Variants in UGT2B28 observed in about 807,000 individuals in gnomAD.
The protein encoded by UGT2B28 is UDP-glucuronosyltransferase 2B28.
Under a neutral mutation model 43.6 loss-of-function variants are expected in UGT2B28, and 45 were observed. That is an observed-to-expected ratio of 1.03 (90% CI 0.81 to 1.32). The LOEUF is 1.32. Ranked by LOEUF, UGT2B28 falls within the 40% of genes most tolerant of loss-of-function variation. UGT2B28 has a pLI of 0.00. For missense variants in UGT2B28, 649 were observed against 625.5 expected (o/e 1.04, Z -0.40); for synonymous variants, 204 against 208.1 (o/e 0.98, Z 0.17).
In UGT2B28 at chr4:69,282,484, T is replaced by C. The variant is rs370145772; in HGVS notation, c.722-30T>C. On this transcript the variant is annotated intron_variant, in intron 1 of 5. Transcript: ENST00000335568. ...TATGTAAAGTAATTATCTTACATCA[T>C]CCACTTTTTCTTTTCTTTATTCCTG... 422 of 1,530,338 alleles carry C rather than the reference T, an allele frequency of 2.8e-4. 57 individuals carry two copies. The highest frequency in any genetic ancestry group is 1.9e-3 in the South Asian group (147 of 77,964). 94.8% of individuals were successfully genotyped at this position (1,530,338 alleles called of 1,614,324 possible).
intron 1 of UGT2B28, among the ~76,000 whole-genome samples, chr4:69,281,854 T>A (rs1257116918): frequency 7.1e-6 from 1 of 141,010 alleles, no homozygotes; most frequent in African/African-American, 2.8e-5. Flanking sequence ...CTATATAGTT[T>A]ATTTGAAACT....
In UGT2B28 at chr4:69,294,375, A is replaced by C. The variant is rs559633629; in HGVS notation, c.1311-155A>C. Among the ~76,000 whole-genome samples, 13 of 140,896 alleles carry C rather than the reference A, an allele frequency of 9.2e-5. 3 individuals carry two copies. The highest frequency in any genetic ancestry group is 8.5e-4 in the Admixed American group (12 of 14,084). The allele number at this position is 140,896 out of a possible 152,430, so 92.4% of individuals were successfully genotyped here. ...AAAAGTCCAATTTAAAAGCCCAACT[A>C]TCTATGATGACTCAAATTAAAATAC... On this transcript the variant is annotated intron_variant, in intron 5 of 5. Transcript: ENST00000335568.
chr4:69,289,094 G>A (rs1158249180), intron 3 of UGT2B28, among the ~76,000 whole-genome samples: 8 of 138,792 alleles, frequency 5.8e-5, no homozygotes, highest in Admixed American at 2.9e-4. Context: ...ATAGTCCTTT[G>A]CTTATATACC....
At position 69,285,362 on chromosome 4, in the gene UGT2B28, C is replaced by G. The variant is rs960568489; in HGVS notation, c.871-1390C>G. On this transcript the variant is annotated intron_variant, in intron 2 of 5. Coordinates refer to ENST00000335568, the MANE Select transcript of UGT2B28 (RefSeq NM_053039.2). ...TTGTATTATTTTTATAATATTATCACTAAAGGAGCAACAACCCGTCAATAT... is the reference window on the plus strand; with the variant it reads ...TTGTATTATTTTTATAATATTATCAGTAAAGGAGCAACAACCCGTCAATAT... Among the ~76,000 whole-genome samples the G allele has an allele frequency of 1.1e-4, 15 of 139,794 alleles. 3 individuals are homozygous for G. The highest frequency in any genetic ancestry group is 8.6e-4 in the Admixed American group (12 of 13,894). The allele number at this position is 139,794 out of a possible 152,430, so 91.7% of individuals were successfully genotyped here.
Position 69,293,512 on chromosome 4 carries a change from T to C in UGT2B28, c.1311-1018T>C, listed in dbSNP as rs549704432. ...AATAAGCACAGAAAATAGAGAAAAT[T>C]CTAGAGGCTCCATCACAGTTTGGCC... On this transcript the variant is annotated intron_variant, in intron 5 of 5. Coordinates refer to ENST00000335568, the MANE Select transcript of UGT2B28 (RefSeq NM_053039.2). 2.1e-5 allele frequency among the ~76,000 whole-genome samples: 3 copies of C among 140,050 alleles called. 1 individual carries two copies. The highest frequency in any genetic ancestry group is 2.0e-4 in the East Asian group (1 of 4,908). The allele number at this position is 140,050 out of a possible 152,430, so 91.9% of individuals were successfully genotyped here.
At chr4:69,292,449 C>G (rs1249542785) in intron 5 of UGT2B28, among the ~76,000 whole-genome samples, 2 of 140,038 alleles carry the variant, frequency 1.4e-5, no homozygotes, top group East Asian at 2.0e-4. Flanking sequence ...GCAACACAAA[C>G]CAGCTTGGAC....
In UGT2B28 at chr4:69,280,507, C is replaced by A; in HGVS notation, c.7C>A (p.Leu3Met). The A allele has an allele frequency of 2.0e-5, 31 of 1,552,920 alleles. 5 individuals are homozygous for A. The highest frequency in any genetic ancestry group is 2.7e-5 in the Non-Finnish European group (31 of 1,153,076). Residue 3 changes from leucine to methionine, a missense_variant, in exon 1 of 6, where the codon CTG becomes ATG. Physicochemically the swap from Leu to Met is conservative, Grantham distance 15. Transcript: ENST00000335568. MALKWTSVLLLIH... is the reference protein window; with the variant it reads MAMKWTSVLLLIH... ...ATGATTGCATTGCACCAGGATGGCT[C>A]TGAAGTGGACTTCAGTTCTTCTGCT...
chr4:69,290,875 C>T (rs1723937157), intron 5 of UGT2B28, 64 bp downstream of exon 5: 13 of 1,468,508 alleles, frequency 8.9e-6, no homozygotes, highest in Middle Eastern at 1.8e-4. Flanking sequence ...CAATAGTGAG[C>T]ATGAGTTTCA....
At position 69,280,764 on chromosome 4, in the gene UGT2B28, T is replaced by C; in HGVS notation, c.264T>C (p.Asn88=). 2 of 1,566,224 alleles carry C rather than the reference T, an allele frequency of 1.3e-6. No homozygotes were observed. The highest frequency in any genetic ancestry group is 1.7e-6 in the Non-Finnish European group (2 of 1,158,408). ...CTTTAACTAAAACTGAATTTGAGAA[T>C]ATCATCATGCAACAGGTTAAGAGAT... ...PTSLTKTEFE[N]IIMQQVKRWS... is the part of the protein sequence containing the mutation. The change falls in exon 1 of 6, where the codon AAT becomes AAC. Residue 88 remains asparagine, a synonymous_variant. Coordinates refer to ENST00000335568, the MANE Select transcript of UGT2B28 (RefSeq NM_053039.2).
Position 69,289,344 on chromosome 4 carries a change from C to A in UGT2B28, c.1003-321C>A, listed in dbSNP as rs1161779433. On this transcript the variant is annotated intron_variant, in intron 3 of 5. Coordinates refer to ENST00000335568, the MANE Select transcript of UGT2B28 (RefSeq NM_053039.2). ...ATTTGAATTTCTCTAATGATCCGTG[C>A]TGTTAAGTTATTTTACTTCATGTGA... is the stretch of plus-strand genomic sequence containing the variant. 2.9e-5 allele frequency among the ~76,000 whole-genome samples: 4 copies of A among 140,080 alleles called. 1 individual carries two copies. The highest frequency in any genetic ancestry group is 6.1e-5 in the Non-Finnish European group (4 of 65,604). 91.9% of individuals were successfully genotyped at this position (140,080 alleles called of 152,430 possible).
chr4:69,293,904 A>G (rs1156928205), intron 5 of UGT2B28, among the ~76,000 whole-genome samples: 7 of 140,698 alleles, frequency 5.0e-5, no homozygotes, highest in Non-Finnish European at 1.5e-5. Context: ...AGGGTGGGAA[A>G]CAGTAGGAAA....
chr4:69,293,356 A>G (rs1724006332), intron 5 of UGT2B28, among the ~76,000 whole-genome samples: 1 of 140,618 alleles, frequency 7.1e-6, no homozygotes, highest in Non-Finnish European at 1.5e-5. Context: ...CCTCAAGATA[A>G]TGTTCAAGAT....
rs1157435870 is a variant in UGT2B28, at chr4:69,292,292, T to G, written c.1310+1481T>G. ...CCTTGCGGAGTCCAGCTACCATCAA[T>G]TCCACATTTATAACTACTCTCAATA... On this transcript the variant is annotated intron_variant, in intron 5 of 5. Coordinates refer to ENST00000335568, the MANE Select transcript of UGT2B28 (RefSeq NM_053039.2). Among the ~76,000 whole-genome samples, 2 of 140,058 alleles carry G rather than the reference T, an allele frequency of 1.4e-5. 1 individual carries two copies. Among genetic ancestry groups the G allele is most frequent in the African/African-American group, 5.6e-5 (2 of 35,862 alleles). The allele number at this position is 140,058 out of a possible 152,430, so 91.9% of individuals were successfully genotyped here. A position where few individuals can be genotyped will look rare whatever the true frequency, so the allele number is the denominator to read the frequency against.
At chr4:69,281,267 G>A in intron 1 of UGT2B28, 46 bp downstream of exon 1, 1 of 1,454,388 alleles carries the variant, frequency 6.9e-7, no homozygotes, top group Non-Finnish European at 9.0e-7. Flanking sequence ...ACTTATTTGT[G>A]TCTTTGAAGC....
Position 69,280,771 on chromosome 4 carries a change from A to T in UGT2B28, c.271A>T (p.Met91Leu). 6.4e-7 allele frequency: 1 copy of T among 1,567,566 alleles called. No homozygotes were observed. Among genetic ancestry groups the T allele is most frequent in the Non-Finnish European group, 8.6e-7 (1 of 1,159,142 alleles). Reference protein sequence around the residue: ...LTKTEFENIIMQQVKRWSDIQ... With the variant: ...LTKTEFENIILQQVKRWSDIQ... ...TAAAACTGAATTTGAGAATATCATCATGCAACAGGTTAAGAGATGGTCAGA... is the reference window on the plus strand; with the variant it reads ...TAAAACTGAATTTGAGAATATCATCTTGCAACAGGTTAAGAGATGGTCAGA... The change falls in exon 1 of 6, where the codon ATG becomes TTG. Residue 91 changes from methionine (M) to leucine (L), a missense_variant. Coordinates refer to ENST00000335568, the MANE Select transcript of UGT2B28 (RefSeq NM_053039.2).
rs879093665 is a variant in UGT2B28 at position 69,290,878 on chromosome 4, G to T, written c.1310+67G>T. 2.0e-6 allele frequency: 3 copies of T among 1,466,462 alleles called. No individual in the cohort carries two copies. The South Asian group carries it at 4.1e-5, about 20-fold the overall frequency. The allele number at this position is 1,466,462 out of a possible 1,614,324, so 90.8% of individuals were successfully genotyped here. A position where few individuals can be genotyped will look rare whatever the true frequency, so the allele number is the denominator to read the frequency against. ...AGCTTCTCTTTTCAATAGTGAGCAT[G>T]AGTTTCATCCTTTTTATAAGAGAGT... On this transcript the variant is annotated intron_variant, in intron 5 of 5. Coordinates refer to ENST00000335568, the MANE Select transcript of UGT2B28 (RefSeq NM_053039.2).
Position 69,292,343 on chromosome 4 carries a change from T to A in UGT2B28, c.1310+1532T>A, listed in dbSNP as rs574319663. On this transcript the variant is annotated intron_variant, in intron 5 of 5. Coordinates refer to ENST00000335568, the MANE Select transcript of UGT2B28 (RefSeq NM_053039.2). ...AAGTTTTTGTGTAAGGAGGGTATCA[T>A]CTAAAGGAATGCTTTAAAAATACTT... 7.0e-4 allele frequency among the ~76,000 whole-genome samples: 98 copies of A among 140,244 alleles called. 17 individuals carry two copies. Among genetic ancestry groups the A allele is most frequent in the African/African-American group, 2.7e-3 (97 of 36,060 alleles). The allele number at this position is 140,244 out of a possible 152,430, so 92.0% of individuals were successfully genotyped here.
Position 69,291,548 on chromosome 4 carries a change from C to T in UGT2B28, c.1310+737C>T, listed in dbSNP as rs187529912. On this transcript the variant is annotated intron_variant, in intron 5 of 5. Coordinates refer to ENST00000335568, the MANE Select transcript of UGT2B28 (RefSeq NM_053039.2). ...TTCTTTTCTTATGGTTTTTGTTTTA[C>T]TTCATATTGTTTTGTGTTTTAATAC... 1.4e-3 allele frequency among the ~76,000 whole-genome samples: 203 copies of T among 140,282 alleles called. 23 individuals carry two copies. The Middle Eastern group carries it at 0.029, about 20-fold the overall frequency. The allele number at this position is 140,282 out of a possible 152,430, so 92.0% of individuals were successfully genotyped here. A position where few individuals can be genotyped will look rare whatever the true frequency, so the allele number is the denominator to read the frequency against.
rs554611366 is a variant in UGT2B28 at position 69,294,626 on chromosome 4, C to T, written c.1407C>T (p.Cys469=). ...TCTTCTGGATTGAATTTGTGATGTGCCACAAAGGAGCCAAACACCTTCGAG... is the reference window on the plus strand; with the variant it reads ...TCTTCTGGATTGAATTTGTGATGTGTCACAAAGGAGCCAAACACCTTCGAG... ...RAVFWIEFVM[C]HKGAKHLRVA... Residue 469 remains cysteine (C), a synonymous_variant, in exon 6 of 6, where the codon TGC becomes TGT. Coordinates refer to ENST00000335568, the MANE Select transcript of UGT2B28 (RefSeq NM_053039.2). 30 of 1,555,824 alleles carry T rather than the reference C, an allele frequency of 1.9e-5. 3 individuals carry two copies. The East Asian group carries it at 6.4e-4, about 33-fold the overall frequency.
Sources: allele counts gnomAD v4.1 joint callset (sites outside exome capture counted in the v4.1 genomes callset), GRCh38; gene constraint gnomAD v4.1.1; transcripts MANE v1.5; gene names NCBI Gene and HGNC (gene_info 2026-07-23, HGNC 2026-07-21).